Variants in GRID1 observed in about 807,000 individuals in gnomAD.
The protein encoded by GRID1 is glutamate receptor ionotropic, delta-1.
Under a neutral mutation model 98.0 loss-of-function variants are expected in GRID1, and 28 were observed. The ratio of observed to expected loss-of-function variants is 0.29; its 90% CI spans 0.21 to 0.39. The LOEUF (loss-of-function observed/expected upper bound fraction) is 0.39, where lower values mean the gene tolerates loss of function less well. Ranked by LOEUF, GRID1 falls within the 10% of genes least tolerant of loss-of-function variation. The pLI, the probability that GRID1 is intolerant of heterozygous loss-of-function variation, is 1.00. For missense variants in GRID1, 1,111 were observed against 1,340.5 expected (o/e 0.83, Z 2.67); for synonymous variants, 553 against 538.5 (o/e 1.03, Z -0.37).
intron 4 of GRID1, among the ~76,000 whole-genome samples, chr10:86,001,436 G>A (rs770841019): frequency 6.6e-6 from 1 of 152,150 alleles, no homozygotes; most frequent in Non-Finnish European, 1.5e-5. Flanking sequence ...GGGCAGAGGT[G>A]GACCTTGAGG....
intron 3 of GRID1, among the ~76,000 whole-genome samples, chr10:86,151,996 T>C (rs753953575): frequency 3.3e-5 from 5 of 152,134 alleles, no homozygotes; most frequent in Non-Finnish European, 7.4e-5. Context: ...TCAGACCCTG[T>C]CCCCAACTTC....
intron 6 of GRID1, among the ~76,000 whole-genome samples, chr10:85,862,317 CAT>C (rs1843170911): frequency 6.6e-6 from 1 of 152,146 alleles, no homozygotes; most frequent in South Asian, 2.1e-4. Context: ...CAGTTTTAAA[CAT>C]GTTCTTAGAA....
intron 15 of GRID1, among the ~76,000 whole-genome samples, chr10:85,610,862 C>T (rs933906747): frequency 6.6e-6 from 1 of 152,154 alleles, no homozygotes; most frequent in Non-Finnish European, 1.5e-5. Context: ...TCCATGCAAC[C>T]CTTCTTAGCA....
At chr10:86,102,375 G>T (rs1004318722) in intron 4 of GRID1, among the ~76,000 whole-genome samples, 1 of 152,222 alleles carries the variant, frequency 6.6e-6, no homozygotes, top group East Asian at 1.9e-4. Context: ...ATTATGAGGG[G>T]CATGAGGAAG....
chr10:86,255,493 T>G (rs982006910), intron 2 of GRID1, among the ~76,000 whole-genome samples: 7 of 152,206 alleles, frequency 4.6e-5, no homozygotes, highest in Admixed American at 1.3e-4. Context: ...CTCACCACCC[T>G]TGGGATGCAG....
chr10:85,885,589 A>G (rs1841105293), intron 5 of GRID1, among the ~76,000 whole-genome samples: 1 of 152,244 alleles, frequency 6.6e-6, no homozygotes, highest in South Asian at 2.1e-4. Flanking sequence ...TTGGAGACAC[A>G]AGAGTTTCAC....
chr10:86,165,550 A>T (rs111530261), intron 3 of GRID1, among the ~76,000 whole-genome samples: 4 of 152,332 alleles, frequency 2.6e-5, no homozygotes, highest in African/African-American at 9.6e-5. Flanking sequence ...CCAGGGCCAA[A>T]GAGGCGGCCT....
chr10:85,999,517 A>G (rs1842780365), intron 4 of GRID1, among the ~76,000 whole-genome samples: 1 of 152,190 alleles, frequency 6.6e-6, no homozygotes, highest in South Asian at 2.1e-4. Flanking sequence ...AAAACAGAAA[A>G]CTGCAGATGA....
chr10:85,970,685 G>A (rs1052216142), intron 4 of GRID1, among the ~76,000 whole-genome samples: 8 of 152,046 alleles, frequency 5.3e-5, no homozygotes, highest in Non-Finnish European at 1.2e-4. Context: ...CCTTCAACCT[G>A]ATAAAGGACA....
intron 8 of GRID1, among the ~76,000 whole-genome samples, chr10:85,840,367 C>G (rs571278022): frequency 6.6e-6 from 1 of 152,032 alleles, no homozygotes; most frequent in Non-Finnish European, 1.5e-5. Flanking sequence ...GTAAAAAACC[C>G]ACAGCCATCA....
chr10:86,269,592 G>T (rs1362953101), intron 2 of GRID1, among the ~76,000 whole-genome samples: 1 of 152,180 alleles, frequency 6.6e-6, no homozygotes, highest in Non-Finnish European at 1.5e-5. Context: ...CTTGGCCTCG[G>T]CCTCTTGCCT....
intron 4 of GRID1, among the ~76,000 whole-genome samples, chr10:85,951,858 G>A (rs1433119497): frequency 6.6e-6 from 1 of 152,136 alleles, no homozygotes; most frequent in African/African-American, 2.4e-5. Context: ...TGCTGCTGGA[G>A]AACAAAAGCC....
At chr10:85,612,390 T>C (rs1376055156) in intron 15 of GRID1, among the ~76,000 whole-genome samples, 1 of 152,222 alleles carries the variant, frequency 6.6e-6, no homozygotes, top group African/African-American at 2.4e-5. Context: ...TTGGACCTTC[T>C]ACCTCTGAAA....
intron 3 of GRID1, among the ~76,000 whole-genome samples, chr10:86,175,022 G>C (rs1363505935): frequency 2.0e-5 from 3 of 152,136 alleles, no homozygotes; most frequent in African/African-American, 7.2e-5. Flanking sequence ...GGAGAAATAG[G>C]AACACTTTTA....
chr10:86,310,758 C>T (rs117303405), intron 2 of GRID1, among the ~76,000 whole-genome samples: 434 of 152,314 alleles, frequency 2.8e-3, no homozygotes, highest in Non-Finnish European at 5.0e-3. Flanking sequence ...TGGAGCACCC[C>T]AGTCTGCTGG....
At chr10:85,901,040 C>T (rs969856079) in intron 5 of GRID1, among the ~76,000 whole-genome samples, 1 of 152,072 alleles carries the variant, frequency 6.6e-6, no homozygotes, top group Non-Finnish European at 1.5e-5. Flanking sequence ...ACTAGGGTCG[C>T]AGCAGGCCCA....
At position 85,922,915 on chromosome 10, in the gene GRID1, G is replaced by A. The variant is rs116598390; in HGVS notation, c.727-6676C>T. Among the ~76,000 whole-genome samples, 1,063 of 152,102 alleles carry A rather than the reference G, an allele frequency of 7.0e-3. 13 individuals carry two copies. Among genetic ancestry groups the A allele is most frequent in the African/African-American group, 0.025 (1,025 of 41,484 alleles). ...TGGGGGCCTGCCTGCTTGGAAAAAC[G>A]TCCCAAGATGCTGACTCAGCTGCTT... is the stretch of plus-strand genomic sequence containing the variant. On this transcript the variant is annotated intron_variant, in intron 4 of 15. Coordinates refer to ENST00000327946, the MANE Select transcript of GRID1 (RefSeq NM_017551.3).
intron 4 of GRID1, among the ~76,000 whole-genome samples, chr10:86,131,170 C>T (rs912822024): frequency 2.6e-5 from 4 of 152,036 alleles, no homozygotes; most frequent in South Asian, 2.1e-4. Flanking sequence ...TCTCATGACC[C>T]GCCCCCTCCC....
At chr10:86,356,594 G>A (rs930467489) in intron 2 of GRID1, among the ~76,000 whole-genome samples, 3 of 152,206 alleles carry the variant, frequency 2.0e-5, no homozygotes, top group African/African-American at 4.8e-5. Context: ...GACCATGAGG[G>A]ACCAAGCTCC....
Sources: gnomAD v4.1 joint callset for allele counts (sites outside exome capture counted in the v4.1 genomes callset) on GRCh38, gnomAD v4.1.1 for gene constraint, MANE v1.5 for transcripts, NCBI Gene and HGNC (gene_info 2026-07-23, HGNC 2026-07-21) for gene names.